The following CTSC variants were observed in gnomAD, a reference collection of about 807,000 sequenced individuals.
The protein encoded by CTSC is cathepsin C.
In CTSC, 37 loss-of-function variants were observed where a neutral mutation model predicts 40.9. The observed-to-expected ratio is 0.91, with a 90% CI of 0.70 to 1.19. The LOEUF (loss-of-function observed/expected upper bound fraction) is 1.19. Among genes scored for constraint, CTSC ranks in the 50% most tolerant of loss-of-function variants. CTSC has a pLI of 0.00. For missense variants in CTSC, 594 were observed against 567.3 expected (o/e 1.05, Z -0.48); for synonymous variants, 232 against 207.4 (o/e 1.12, Z -1.02).
intron 2 of CTSC, among the ~76,000 whole-genome samples, chr11:88,318,405 T>G (rs1345777287): frequency 6.6e-6 from 1 of 152,310 alleles, no homozygotes; most frequent in Non-Finnish European, 1.5e-5. Flanking sequence ...TTGGAAGAGT[T>G]AAAAAGTTAT....
chr11:88,314,396 A>C (rs1301546821), intron 2 of CTSC, among the ~76,000 whole-genome samples: 3 of 152,192 alleles, frequency 2.0e-5, no homozygotes, highest in African/African-American at 7.2e-5. Context: ...GAGAGTTAAA[A>C]ATGTATGGCT....
chr11:88,315,759 T>C (rs932177376), intron 2 of CTSC, among the ~76,000 whole-genome samples: 5 of 139,922 alleles, frequency 3.6e-5, no homozygotes, highest in African/African-American at 1.4e-4. Flanking sequence ...ACAATTTGTC[T>C]TCTCACGAAG....
chr11:88,309,558 A>G (rs1937702862), intron 3 of CTSC, among the ~76,000 whole-genome samples: 1 of 152,166 alleles, frequency 6.6e-6, no homozygotes, highest in South Asian at 2.1e-4. Flanking sequence ...CTACTAATAG[A>G]TTGTAAATAA....
At chr11:88,317,127 C>T (rs903213689) in intron 2 of CTSC, among the ~76,000 whole-genome samples, 9 of 151,990 alleles carry the variant, frequency 5.9e-5, no homozygotes, top group African/African-American at 1.2e-4. Context: ...TCACCACGCC[C>T]GGCTAATTTT....
chr11:88,331,533 C>G (rs1938354654), intron 2 of CTSC, among the ~76,000 whole-genome samples: 1 of 152,198 alleles, frequency 6.6e-6, no homozygotes, highest in East Asian at 1.9e-4. Flanking sequence ...TAGGGTGGAC[C>G]ACCCTTCCAG....
At chr11:88,320,232 T>C (rs1937968847) in intron 2 of CTSC, among the ~76,000 whole-genome samples, 1 of 152,204 alleles carries the variant, frequency 6.6e-6, no homozygotes, top group Non-Finnish European at 1.5e-5. Context: ...ACTGGAAGTT[T>C]ACATGTGAAA....
intron 4 of CTSC, among the ~76,000 whole-genome samples, chr11:88,301,737 T>C (rs1181477907): frequency 6.6e-6 from 1 of 151,636 alleles, no homozygotes; most frequent in African/African-American, 2.4e-5. Flanking sequence ...AGTGAGAAAA[T>C]TGTTCTAACA....
chr11:88,317,813 T>C (rs1565258239), intron 2 of CTSC, among the ~76,000 whole-genome samples: 1 of 152,362 alleles, frequency 6.6e-6, no homozygotes, highest in South Asian at 2.1e-4. Context: ...TAAGTTTCCA[T>C]TCATTTATGC....
intron 2 of CTSC, among the ~76,000 whole-genome samples, chr11:88,333,887 C>CTT (rs138369217): frequency 1.5e-4 from 22 of 149,980 alleles, no homozygotes; most frequent in South Asian, 4.2e-4. Flanking sequence ...TCTATTTCAT[C>CTT]TTTTTTTTTT....
At chr11:88,327,410 T>C (rs745926551) in intron 2 of CTSC, among the ~76,000 whole-genome samples, 1 of 152,202 alleles carries the variant, frequency 6.6e-6, no homozygotes, top group Non-Finnish European at 1.5e-5. Context: ...AAGAATATTA[T>C]GTTAAAATGC....
intron 2 of CTSC, among the ~76,000 whole-genome samples, chr11:88,330,595 GT>G (rs1938323856): frequency 1.3e-5 from 2 of 151,992 alleles, no homozygotes; most frequent in African/African-American, 4.8e-5. Flanking sequence ...GTGATCGCCT[GT>G]CTCGGCCTCC....
chr11:88,304,819 C>G (rs1937616038), intron 4 of CTSC, among the ~76,000 whole-genome samples: 1 of 152,118 alleles, frequency 6.6e-6, no homozygotes, highest in Non-Finnish European at 1.5e-5. Flanking sequence ...CATGACAGGC[C>G]AGGTTTGGTG....
chr11:88,318,300 A>G (rs113630571), intron 2 of CTSC, among the ~76,000 whole-genome samples: 19 of 152,354 alleles, frequency 1.2e-4, no homozygotes, highest in African/African-American at 4.6e-4. Context: ...AGTCAAAACT[A>G]GTGAGCCTCA....
chr11:88,294,583 C>T lies in CTSC; in HGVS notation c.890-75G>A, dbSNP rs1298845272. 3.9e-6 allele frequency: 6 copies of T among 1,528,346 alleles called. No individual in the cohort carries two copies. The Admixed American group carries it at 5.3e-5, about 13-fold the overall frequency. The allele number at this position is 1,528,346 out of a possible 1,614,324, so 94.7% of individuals were successfully genotyped here. ...CCCATTTTCTATTTTTTCTTCTTTG[C>T]TCCATTATTCTTTGCATGTTACCCC... On this transcript the variant is annotated intron_variant, in intron 6 of 6. Transcript: ENST00000227266.
intron 2 of CTSC, chr11:88,324,887 T>A: frequency 1.0e-6 from 1 of 985,358 alleles, no homozygotes; most frequent in Non-Finnish European, 1.2e-6. Flanking sequence ...TTAATTCATC[T>A]TTCTGAAATA....
intron 4 of CTSC, among the ~76,000 whole-genome samples, chr11:88,306,166 AG>A (rs1270458532): frequency 6.6e-6 from 1 of 152,266 alleles, no homozygotes; most frequent in Admixed American, 6.5e-5. Flanking sequence ...CTTTTAAGAA[AG>A]GGGTAGAATT....
intron 2 of CTSC, chr11:88,325,692 GA>G (rs1243795942): frequency 2.0e-6 from 2 of 984,968 alleles, no homozygotes; most frequent in East Asian, 2.3e-4. Flanking sequence ...TGTACCTAAT[GA>G]AAAAAGAAAA....
intron 2 of CTSC, among the ~76,000 whole-genome samples, chr11:88,332,124 GAT>G (rs917661142): frequency 5.3e-5 from 8 of 152,114 alleles, no homozygotes; most frequent in African/African-American, 1.9e-4. Flanking sequence ...TGATTTGTAG[GAT>G]AACAACAACG....
At chr11:88,308,302 G>C (rs1937679301) in intron 4 of CTSC, among the ~76,000 whole-genome samples, 2 of 152,172 alleles carry the variant, frequency 1.3e-5, no homozygotes. Context: ...GGGGAGAAGA[G>C]GAACCTGAGT....
Sources: allele counts gnomAD v4.1 joint callset (sites outside exome capture counted in the v4.1 genomes callset), GRCh38; gene constraint gnomAD v4.1.1; transcripts MANE v1.5; gene names NCBI Gene and HGNC (gene_info 2026-07-23, HGNC 2026-07-21).